The following DDAH1 variants were observed in gnomAD, a reference collection of about 807,000 sequenced individuals.
The protein encoded by DDAH1 is dimethylarginine dimethylaminohydrolase 1.
DDAH1 carries 19 observed loss-of-function variants against 28.8 expected under a neutral mutation model. That is an observed-to-expected ratio of 0.66 (90% CI 0.46 to 0.97). The LOEUF (loss-of-function observed/expected upper bound fraction) is 0.97. Ranked by LOEUF, DDAH1 falls within the 50% of genes least tolerant of loss-of-function variation. The pLI is 0.00. For synonymous variants in DDAH1, 153 were observed against 154.4 expected, an observed-to-expected ratio of 0.99 and a Z score of 0.07; for missense variants, 326 against 375.9, an observed-to-expected ratio of 0.87 and a Z score of 1.10.
intron 2 of DDAH1, among the ~76,000 whole-genome samples, chr1:85,483,960 C>T (rs1016152156): frequency 6.6e-6 from 1 of 152,096 alleles, no homozygotes; most frequent in South Asian, 2.1e-4. Context: ...AGACATGGTG[C>T]CTAAGGGGCT....
At chr1:85,375,669 T>C (rs926453311) in intron 1 of DDAH1, among the ~76,000 whole-genome samples, 9 of 152,180 alleles carry the variant, frequency 5.9e-5, no homozygotes, top group Admixed American at 2.6e-4. Context: ...TTCTATGCAG[T>C]ATTACTCTTT....
intron 1 of DDAH1, among the ~76,000 whole-genome samples, chr1:85,515,506 A>C (rs1657436987): frequency 6.8e-6 from 1 of 146,110 alleles, no homozygotes; most frequent in Admixed American, 7.0e-5. Flanking sequence ...GGTTTGTTAT[A>C]AAATTAAATA....
intron 1 of DDAH1, among the ~76,000 whole-genome samples, chr1:85,433,976 T>C (rs1323041946): frequency 6.6e-6 from 1 of 152,110 alleles, no homozygotes; most frequent in Admixed American, 6.6e-5. Flanking sequence ...AAAAAAATAA[T>C]TTAACATTTT....
At chr1:85,407,250 G>T (rs76029889) in intron 1 of DDAH1, among the ~76,000 whole-genome samples, 3,001 of 152,208 alleles carry the variant, frequency 0.02, 76 homozygotes, top group African/African-American at 0.059. Context: ...AATACAGTTT[G>T]CCCTTTTTAC....
At chr1:85,548,987 A>G (rs1175811085) in intron 1 of DDAH1, among the ~76,000 whole-genome samples, 1 of 152,182 alleles carries the variant, frequency 6.6e-6, no homozygotes, top group African/African-American at 2.4e-5. Flanking sequence ...TGTTCTACAT[A>G]AATATTTTAA....
upstream of DDAH1, among the ~76,000 whole-genome samples, chr1:85,465,862 C>T (rs1255105423): frequency 6.6e-6 from 1 of 152,158 alleles, no homozygotes; most frequent in Non-Finnish European, 1.5e-5. Flanking sequence ...GGTCAGCTTC[C>T]TTTTGATACA....
chr1:85,509,603 C>A (rs928657675), intron 1 of DDAH1, among the ~76,000 whole-genome samples: 9 of 152,092 alleles, frequency 5.9e-5, no homozygotes, highest in Non-Finnish European at 1.0e-4. Flanking sequence ...AAAGATTAGA[C>A]AAATGGCTAA....
chr1:85,426,193 C>T (rs1258344061), intron 1 of DDAH1, among the ~76,000 whole-genome samples: 1 of 152,108 alleles, frequency 6.6e-6, no homozygotes, highest in Non-Finnish European at 1.5e-5. Flanking sequence ...TTTTCCCATT[C>T]CTTGTTTCCT....
chr1:85,493,616 C>T (rs1379523107), intron 2 of DDAH1: 2 of 152,134 alleles, frequency 1.3e-5, no homozygotes, highest in Non-Finnish European at 2.9e-5. Context: ...AAAATTCTGA[C>T]ATTCCAAAAG....
intron 1 of DDAH1, among the ~76,000 whole-genome samples, chr1:85,528,314 T>C (rs1366071747): frequency 6.6e-6 from 1 of 152,240 alleles, no homozygotes; most frequent in African/African-American, 2.4e-5. Context: ...CTCATTTGTA[T>C]AAAATTTATA....
chr1:85,325,356 C>CGT lies in DDAH1; in HGVS notation c.598-474_598-473insAC, dbSNP rs72411559. ...ACACGTGTGTGCATGCACGTGCGTG[C>CGT]GCGCGCGCGCGCACACACACACGCT... On this transcript the variant is annotated intron_variant, in intron 4 of 5. Transcript: ENST00000284031. 1.6e-3 allele frequency among the ~76,000 whole-genome samples: 151 copies of CGT among 94,066 alleles called. 1 individual carries two copies. Among genetic ancestry groups the CGT allele is most frequent in the African/African-American group, 6.5e-3 (147 of 22,490 alleles). 61.7% of individuals were successfully genotyped at this position (94,066 alleles called of 152,430 possible). A position where few individuals can be genotyped will look rare whatever the true frequency, so the allele number is the denominator to read the frequency against.
chr1:85,511,066 C>T (rs1477849795), intron 1 of DDAH1, among the ~76,000 whole-genome samples: 7 of 152,202 alleles, frequency 4.6e-5, no homozygotes, highest in South Asian at 2.1e-4. Flanking sequence ...AGCACCATAT[C>T]GCATTTACTC....
At chr1:85,523,558 T>A (rs1328686786) in intron 1 of DDAH1, among the ~76,000 whole-genome samples, 3 of 152,122 alleles carry the variant, frequency 2.0e-5, no homozygotes, top group Non-Finnish European at 2.9e-5. Context: ...CAGCTCTGGC[T>A]ACAATGTGGT....
At chr1:85,417,710 A>T (rs1456009237) in intron 1 of DDAH1, among the ~76,000 whole-genome samples, 8 of 152,220 alleles carry the variant, frequency 5.3e-5, no homozygotes, top group Non-Finnish European at 8.8e-5. Flanking sequence ...CAATACAAAA[A>T]GAATAAAATA....
At chr1:85,454,825 G>A (rs558132267) in intron 1 of DDAH1, among the ~76,000 whole-genome samples, 1 of 152,262 alleles carries the variant, frequency 6.6e-6, no homozygotes, top group Admixed American at 6.5e-5. Flanking sequence ...TTGAAGCTGT[G>A]CTCTAGTCAT....
intron 2 of DDAH1, among the ~76,000 whole-genome samples, chr1:85,493,154 TA>T (rs549175445): frequency 6.6e-6 from 1 of 152,014 alleles, no homozygotes; most frequent in South Asian, 2.1e-4. Context: ...GATTTTAAAA[TA>T]AAAAAATTTG....
chr1:85,419,052 G>A (rs1166722078), intron 1 of DDAH1, among the ~76,000 whole-genome samples: 1 of 152,132 alleles, frequency 6.6e-6, no homozygotes, highest in African/African-American at 2.4e-5. Flanking sequence ...AGTAGGATCT[G>A]TAATCAACGT....
chr1:85,433,097 T>C (rs1653773308), intron 1 of DDAH1, among the ~76,000 whole-genome samples: 1 of 152,188 alleles, frequency 6.6e-6, no homozygotes, highest in African/African-American at 2.4e-5. Context: ...CGTACATGCA[T>C]ACATATACAT....
At chr1:85,539,138 C>A (rs1658388346) in intron 1 of DDAH1, among the ~76,000 whole-genome samples, 1 of 151,826 alleles carries the variant, frequency 6.6e-6, no homozygotes, top group African/African-American at 2.4e-5. Flanking sequence ...ATTTCTTTTT[C>A]TTTCTTTTCT....
Sources: allele counts gnomAD v4.1 joint callset (sites outside exome capture counted in the v4.1 genomes callset), GRCh38; gene constraint gnomAD v4.1.1; transcripts MANE v1.5; gene names NCBI Gene and HGNC (gene_info 2026-07-23, HGNC 2026-07-21).